Variants in CDC42BPA observed in about 807,000 individuals in gnomAD.
CDC42BPA encodes CDC42 binding protein kinase alpha.
CDC42BPA carries 80 observed loss-of-function variants against 223.5 expected under a neutral mutation model. The observed-to-expected ratio is 0.36, with a 90% CI of 0.30 to 0.43. The LOEUF (loss-of-function observed/expected upper bound fraction) is 0.43, where lower values mean the gene tolerates loss of function less well. Among genes scored for constraint, CDC42BPA ranks in the 20% least tolerant of loss-of-function variants. The probability of loss-of-function intolerance (pLI) is 1.00; values close to 1 mark genes in which losing one functional copy is unlikely to be tolerated. For synonymous variants in CDC42BPA, 694 were observed against 718.6 expected, an observed-to-expected ratio of 0.97 and a Z score of 0.55; for missense variants, 1,743 against 2,099.9, an observed-to-expected ratio of 0.83 and a Z score of 3.32.
At chr1:227,245,540 C>T (rs1448113852) in intron 2 of CDC42BPA, among the ~76,000 whole-genome samples, 1 of 152,160 alleles carries the variant, frequency 6.6e-6, no homozygotes, top group Non-Finnish European at 1.5e-5. Flanking sequence ...ATCTGCCCAC[C>T]TTGGCCTCCC....
At chr1:227,132,315 T>G (rs1338959622) in intron 10 of CDC42BPA, among the ~76,000 whole-genome samples, 2 of 152,152 alleles carry the variant, frequency 1.3e-5, no homozygotes, top group Admixed American at 1.3e-4. Context: ...ATTTTTTTGG[T>G]GGAGACGGGG....
At chr1:227,258,132 G>C (rs1683405820) in intron 1 of CDC42BPA, among the ~76,000 whole-genome samples, 1 of 141,990 alleles carries the variant, frequency 7.0e-6, no homozygotes, top group African/African-American at 2.7e-5. Context: ...CTTAGAGGGC[G>C]CCACTACACT....
rs544844665 is a variant in CDC42BPA at position 226,991,751 on chromosome 1, T to G, written c.*2517A>C. On this transcript the variant is annotated 3_prime_UTR_variant, in exon 37 of 37. Transcript: ENST00000366766. The stretch of plus-strand genomic sequence containing the variant: ...AGAGTATGACCCATAGCAGTGGAGC[T>G]AGACTTTAGGTAGGGTTATTATTTT... 10 of 152,042 alleles carry G rather than the reference T, an allele frequency of 6.6e-5. No individual in the cohort carries two copies. Among genetic ancestry groups the G allele is most frequent in the Admixed American group, 6.6e-4 (10 of 15,242 alleles). The allele number at this position is 152,042 out of a possible 1,614,324, so 9.4% of individuals were successfully genotyped here. A position where few individuals can be genotyped will look rare whatever the true frequency, so the allele number is the denominator to read the frequency against.
intron 35 of CDC42BPA, among the ~76,000 whole-genome samples, chr1:227,001,740 C>T (rs1367355246): frequency 1.3e-5 from 2 of 151,972 alleles, no homozygotes; most frequent in African/African-American, 2.4e-5. Context: ...AACCCCGTCT[C>T]TACTAAAAAT....
At position 227,268,035 on chromosome 1, in the gene CDC42BPA, A is replaced by T. The variant is rs184857069; in HGVS notation, c.179-13880T>A. Among the ~76,000 whole-genome samples the T allele has an allele frequency of 2.6e-5, 4 of 152,340 alleles. No individual in the cohort carries two copies. In the East Asian group the frequency reaches 7.7e-4, roughly 29 times the overall value. ...GTACCATTACTTAATCAAGTATTTT[A>T]AAATGGCAAAATTGTAGATAAAATG... On this transcript the variant is annotated intron_variant, in intron 1 of 36. Coordinates refer to ENST00000366766, the MANE Select transcript of CDC42BPA (RefSeq NM_001394014.1).
chr1:227,256,728 T>A (rs528409083), intron 1 of CDC42BPA, among the ~76,000 whole-genome samples: 29 of 152,232 alleles, frequency 1.9e-4, no homozygotes, highest in Non-Finnish European at 3.2e-4. Flanking sequence ...TGCTGCTTTG[T>A]AAAACAGTTG....
chr1:227,167,724 G>A (rs1040054378), intron 5 of CDC42BPA, among the ~76,000 whole-genome samples: 2 of 152,040 alleles, frequency 1.3e-5, no homozygotes, highest in Non-Finnish European at 2.9e-5. Flanking sequence ...TATAATTTTT[G>A]CTTTAAGCAG....
chr1:227,204,996 C>T (rs1484639770), intron 3 of CDC42BPA, among the ~76,000 whole-genome samples: 1 of 151,924 alleles, frequency 6.6e-6, no homozygotes, highest in Non-Finnish European at 1.5e-5. Context: ...CAGTGGCTCG[C>T]GCCTGTAATC....
At chr1:227,064,680 T>G (rs1208542509) in intron 21 of CDC42BPA, among the ~76,000 whole-genome samples, 1 of 151,954 alleles carries the variant, frequency 6.6e-6, no homozygotes, top group African/African-American at 2.4e-5. Context: ...AGGGTAGAAG[T>G]GGGAATAATT....
intron 7 of CDC42BPA, among the ~76,000 whole-genome samples, chr1:227,146,938 A>G (rs971608052): frequency 1.3e-5 from 2 of 152,192 alleles, no homozygotes; most frequent in African/African-American, 4.8e-5. Context: ...TATGGTACAG[A>G]GTACTATTTT....
Position 227,318,328 on chromosome 1 carries a change from G to T in CDC42BPA, c.-1146C>A, listed in dbSNP as rs1179993414. 6.6e-6 allele frequency: 1 copy of T among 152,636 alleles called. No homozygotes were observed. The highest frequency in any genetic ancestry group is 1.5e-5 in the Non-Finnish European group (1 of 68,540). 9.5% of individuals were successfully genotyped at this position (152,636 alleles called of 1,614,324 possible). A position where few individuals can be genotyped will look rare whatever the true frequency, so the allele number is the denominator to read the frequency against. ...AGGAGGGGTCGCTTCCGCGGCTGAG[G>T]AGACTAGAGGCTGCGGCAGCCCGGC... On this transcript the variant is annotated 5_prime_UTR_variant, in exon 1 of 37. Transcript: ENST00000366766.
chr1:227,201,599 G>A (rs1275550472), intron 3 of CDC42BPA, among the ~76,000 whole-genome samples: 1 of 152,004 alleles, frequency 6.6e-6, no homozygotes, highest in Non-Finnish European at 1.5e-5. Context: ...GTGTGCAGAG[G>A]TTACCATTAT....
intron 1 of CDC42BPA, among the ~76,000 whole-genome samples, chr1:227,276,429 C>T (rs1035348651): frequency 2.0e-5 from 3 of 152,106 alleles, no homozygotes; most frequent in South Asian, 2.1e-4. Context: ...CGCCTGGCAG[C>T]TGCCCCGTCC....
At chr1:227,001,314 T>C (rs1386688701) in intron 35 of CDC42BPA, among the ~76,000 whole-genome samples, 1 of 152,164 alleles carries the variant, frequency 6.6e-6, no homozygotes, top group Non-Finnish European at 1.5e-5. Context: ...GAGAGGGTCT[T>C]TCCTCTTATA....
intron 1 of CDC42BPA, among the ~76,000 whole-genome samples, chr1:227,313,381 T>C (rs1407408973): frequency 6.6e-6 from 1 of 152,188 alleles, no homozygotes. Flanking sequence ...GTGTAATTTC[T>C]CTTAAAAAGA....
At chr1:227,248,250 C>G (rs1188318860) in intron 2 of CDC42BPA, among the ~76,000 whole-genome samples, 1 of 151,954 alleles carries the variant, frequency 6.6e-6, no homozygotes, top group Non-Finnish European at 1.5e-5. Context: ...TAAGTATTAG[C>G]TAGAGCAATT....
rs1241492960 is a variant in CDC42BPA, at chr1:227,023,250, T to C, written c.4615+13A>G. 8.6e-6 allele frequency: 10 copies of C among 1,158,562 alleles called. No homozygotes were observed. The East Asian group carries it at 1.7e-4, about 19-fold the overall frequency. 71.8% of individuals were successfully genotyped at this position (1,158,562 alleles called of 1,614,324 possible). On this transcript the variant is annotated intron_variant, in intron 32 of 36. Coordinates refer to ENST00000366766, the MANE Select transcript of CDC42BPA (RefSeq NM_001394014.1). ...CAATGAAGCTATCCCTATGAATATATGTATTTTCTTACCTGCCATCTTATT... is the reference window on the plus strand; with the variant it reads ...CAATGAAGCTATCCCTATGAATATACGTATTTTCTTACCTGCCATCTTATT...
chr1:227,313,868 A>T (rs1364125462), intron 1 of CDC42BPA, among the ~76,000 whole-genome samples: 33 of 152,168 alleles, frequency 2.2e-4, no homozygotes, highest in African/African-American at 8.0e-4. Context: ...TTTTCTATGT[A>T]TATACAAAAT....
intron 14 of CDC42BPA, among the ~76,000 whole-genome samples, chr1:227,106,713 T>G (rs1686000041): frequency 1.3e-5 from 2 of 152,210 alleles, no homozygotes; most frequent in South Asian, 4.1e-4. Flanking sequence ...AAGATTTCAG[T>G]TGCTGATCCA....
Sources: gnomAD v4.1 joint callset for allele counts (sites outside exome capture counted in the v4.1 genomes callset) on GRCh38, gnomAD v4.1.1 for gene constraint, MANE v1.5 for transcripts, NCBI Gene and HGNC (gene_info 2026-07-23, HGNC 2026-07-21) for gene names.